NFIA: variants seen among roughly 807,000 people sequenced by gnomAD.
NFIA encodes the protein nuclear factor I A, also known as nuclear factor 1 A-type.
In NFIA, 8 loss-of-function variants were observed where a neutral mutation model predicts 62.8. The ratio of observed to expected loss-of-function variants is 0.13; its 90% CI spans 0.07 to 0.23. The LOEUF (loss-of-function observed/expected upper bound fraction) is 0.23. NFIA is among the 10% of genes least tolerant of loss of function. The pLI, the probability that NFIA is intolerant of heterozygous loss-of-function variation, is 1.00. For missense variants in NFIA, 410 were observed against 642.1 expected (o/e 0.64, Z 3.91); for synonymous variants, 235 against 238.1 (o/e 0.99, Z 0.12).
At chr1:61,428,382 AT>A (rs34309622) in intron 10 of NFIA, among the ~76,000 whole-genome samples, 7,090 of 135,858 alleles carry the variant, frequency 0.052, 513 homozygotes, top group African/African-American at 0.18. Context: ...CTGGAACTGA[AT>A]TTTTTTTTTT....
rs2147962092 is a variant in NFIA, at chr1:61,460,435, A to C, written c.*5115A>C. On this transcript the variant is annotated 3_prime_UTR_variant, in exon 11 of 11. Transcript: ENST00000403491. ...TACATGGTGCTATTATAGGCTGACA[A>C]AATGATTTACACAAATGTGACAACT... 6.6e-6 allele frequency: 1 copy of C among 152,332 alleles called. No individual in the cohort carries two copies. Among genetic ancestry groups the C allele is most frequent in the Non-Finnish European group, 1.5e-5 (1 of 68,024 alleles). 9.4% of individuals were successfully genotyped at this position (152,332 alleles called of 1,614,324 possible). A position where few individuals can be genotyped will look rare whatever the true frequency, so the allele number is the denominator to read the frequency against.
At chr1:61,205,975 G>C (rs1652871728) in intron 2 of NFIA, among the ~76,000 whole-genome samples, 1 of 141,674 alleles carries the variant, frequency 7.1e-6, no homozygotes, top group African/African-American at 2.7e-5. Context: ...GGAGTGCAGT[G>C]ATGCAATCAT....
intron 7 of NFIA, among the ~76,000 whole-genome samples, chr1:61,401,300 A>G (rs1027957152): frequency 1.3e-5 from 2 of 152,238 alleles, no homozygotes; most frequent in African/African-American, 4.8e-5. Context: ...TTAATTCCAT[A>G]TAGTACCATA....
rs61677972 is a variant in NFIA, at chr1:61,134,245, A to AGTGTGTGTGT, written c.559+45598_559+45607dup. On this transcript the variant is annotated intron_variant, in intron 2 of 10. Coordinates refer to ENST00000403491, the MANE Select transcript of NFIA (RefSeq NM_001134673.4). Reference sequence around the variant, plus strand: ...GGGTGCTTTACAGACTGTGTGTGTGAGTGTGTGTGTGTGTGTGTGTGTGTG... The same window carrying AGTGTGTGTGT: ...GGGTGCTTTACAGACTGTGTGTGTGAGTGTGTGTGTGTGTGTGTGTGTGTGTGTGTGTGTG... Among the ~76,000 whole-genome samples, 12 of 146,410 alleles carry AGTGTGTGTGT rather than the reference A, an allele frequency of 8.2e-5. No individual in the cohort carries two copies. In the South Asian group the frequency reaches 1.3e-3, roughly 16 times the overall value.
At chr1:61,303,360 A>G (rs1659590004) in intron 3 of NFIA, among the ~76,000 whole-genome samples, 1 of 152,244 alleles carries the variant, frequency 6.6e-6, no homozygotes, top group Admixed American at 6.5e-5. Flanking sequence ...ACAGATAATT[A>G]AAATATCAAT....
intron 3 of NFIA, among the ~76,000 whole-genome samples, chr1:61,325,365 T>C (rs1051601952): frequency 8.5e-5 from 13 of 152,248 alleles, no homozygotes; most frequent in Non-Finnish European, 1.5e-4. Flanking sequence ...GAATGAAATA[T>C]TAATTCACTC....
At chr1:61,355,958 A>C (rs561576721) in intron 5 of NFIA, among the ~76,000 whole-genome samples, 8 of 152,260 alleles carry the variant, frequency 5.3e-5, no homozygotes, top group African/African-American at 1.9e-4. Context: ...GAATCTTTCA[A>C]CTCTAGGATT....
intron 2 of NFIA, among the ~76,000 whole-genome samples, chr1:61,264,111 G>A (rs1450960336): frequency 6.6e-6 from 1 of 152,144 alleles, no homozygotes; most frequent in Non-Finnish European, 1.5e-5. Context: ...GATAACAAAT[G>A]TTTGAGGCCC....
At chr1:61,095,006 A>G (rs1646385956) in intron 2 of NFIA, among the ~76,000 whole-genome samples, 1 of 152,138 alleles carries the variant, frequency 6.6e-6, no homozygotes, top group South Asian at 2.1e-4. Flanking sequence ...GTTCATTTGT[A>G]TTGTGTATTT....
chr1:61,428,105 G>A (rs1029355321), intron 10 of NFIA, among the ~76,000 whole-genome samples: 1 of 152,168 alleles, frequency 6.6e-6, no homozygotes, highest in Non-Finnish European at 1.5e-5. Context: ...CCTTTAAAAT[G>A]CAGCTTTGAA....
chr1:61,139,641 G>C (rs1046166652), intron 2 of NFIA, among the ~76,000 whole-genome samples: 1 of 152,156 alleles, frequency 6.6e-6, no homozygotes, highest in Non-Finnish European at 1.5e-5. Context: ...GGTGCCTGCT[G>C]TGGTGGCATT....
chr1:61,227,621 T>G (rs955628975), intron 2 of NFIA, among the ~76,000 whole-genome samples: 1 of 152,222 alleles, frequency 6.6e-6, no homozygotes, highest in African/African-American at 2.4e-5. Context: ...TTGCCCCCAC[T>G]ACTTCTCTAA....
At chr1:61,217,367 C>T (rs547992893) in intron 2 of NFIA, among the ~76,000 whole-genome samples, 1 of 151,940 alleles carries the variant, frequency 6.6e-6, no homozygotes, top group Admixed American at 6.6e-5. Flanking sequence ...CCTGCCTGGC[C>T]GATTAAACTT....
chr1:61,306,266 G>GTTTTTTTTT (rs1557695597), intron 3 of NFIA, among the ~76,000 whole-genome samples: 3 of 45,376 alleles, frequency 6.6e-5, no homozygotes, highest in Non-Finnish European at 1.2e-4. Context: ...CCCAGATTTT[G>GTTTTTTTTT]TTCTTTTTTT....
intron 6 of NFIA, among the ~76,000 whole-genome samples, chr1:61,369,027 C>T (rs1398183739): frequency 2.0e-5 from 3 of 152,140 alleles, no homozygotes; most frequent in Non-Finnish European, 2.9e-5. Context: ...GTTTATTCAG[C>T]GGCTTAGACC....
intron 1 of NFIA, among the ~76,000 whole-genome samples, chr1:61,087,169 A>AT (rs1166107940): frequency 6.6e-6 from 1 of 151,174 alleles, no homozygotes; most frequent in East Asian, 1.9e-4. Flanking sequence ...TTGAAACTCA[A>AT]TTTTTTTTTC....
intron 3 of NFIA, among the ~76,000 whole-genome samples, chr1:61,292,955 C>T (rs939491344): frequency 3.3e-5 from 5 of 152,090 alleles, no homozygotes; most frequent in Admixed American, 6.6e-5. Flanking sequence ...GTCCTGTGCC[C>T]GTATGTTGGG....
At chr1:61,200,474 A>G (rs188828911) in intron 2 of NFIA, among the ~76,000 whole-genome samples, 26 of 152,320 alleles carry the variant, frequency 1.7e-4, no homozygotes, top group African/African-American at 6.3e-4. Flanking sequence ...GATACTAAAC[A>G]CTGGCCTTTA....
Position 61,418,961 on chromosome 1 carries a change from A to C in NFIA, c.1421-7504A>C, listed in dbSNP as rs144011262. On this transcript the variant is annotated intron_variant, in intron 9 of 10. Coordinates refer to ENST00000403491, the MANE Select transcript of NFIA (RefSeq NM_001134673.4). ...ATAACTTTCACCTGTCCCTACCCAT[A>C]TACATGGTTGCTTCTGATCAATAAA... is the stretch of plus-strand genomic sequence containing the variant. Among the ~76,000 whole-genome samples, 479 of 152,302 alleles carry C rather than the reference A, an allele frequency of 3.1e-3. 2 individuals carry two copies. The highest frequency in any genetic ancestry group is 0.011 in the African/African-American group (463 of 41,574).
Sources: allele counts gnomAD v4.1 joint callset (sites outside exome capture counted in the v4.1 genomes callset), GRCh38; gene constraint gnomAD v4.1.1; transcripts MANE v1.5; gene names NCBI Gene and HGNC (gene_info 2026-07-23, HGNC 2026-07-21).